DYM: variants seen among roughly 807,000 people sequenced by gnomAD.
The protein encoded by DYM is dymeclin, also known as dyggve-Melchior-Clausen syndrome protein.
A neutral mutation model predicts 93.1 loss-of-function variants in DYM; 78 were observed. That is an observed-to-expected ratio of 0.84 (90% confidence interval 0.70 to 1.01). The LOEUF is 1.01. Ranked by LOEUF, DYM falls within the 50% of genes least tolerant of loss-of-function variation. The pLI, the probability that DYM is intolerant of heterozygous loss-of-function variation, is 0.00. For synonymous variants in DYM, 321 were observed against 319.7 expected, an observed-to-expected ratio of 1.00 and a Z score of -0.04; for missense variants, 789 against 845.0, an observed-to-expected ratio of 0.93 and a Z score of 0.82.
intron 6 of DYM, among the ~76,000 whole-genome samples, chr18:49,339,989 C>A (rs1333865966): frequency 6.6e-6 from 1 of 151,974 alleles, no homozygotes; most frequent in Admixed American, 6.6e-5. Context: ...CTCGCTCTGT[C>A]GCCCAGGCTG....
intron 8 of DYM, among the ~76,000 whole-genome samples, chr18:49,290,083 A>G (rs1031540445): frequency 6.6e-6 from 1 of 151,192 alleles, no homozygotes; most frequent in Non-Finnish European, 1.5e-5. Flanking sequence ...TTTTTTCTAT[A>G]CCAAGGAATA....
intron 15 of DYM, among the ~76,000 whole-genome samples, chr18:49,135,591 T>C (rs1043026253): frequency 2.0e-5 from 3 of 152,170 alleles, no homozygotes; most frequent in Non-Finnish European, 4.4e-5. Context: ...TAATAACAAA[T>C]GTTTCTTATT....
chr18:49,445,705 G>A (rs1388319560), intron 1 of DYM, among the ~76,000 whole-genome samples: 2 of 152,172 alleles, frequency 1.3e-5, no homozygotes, highest in East Asian at 3.8e-4. Context: ...GCTGAAAAAG[G>A]CATGAAACCT....
chr18:49,055,880 A>G (rs964163027), intron 17 of DYM, among the ~76,000 whole-genome samples: 5 of 152,252 alleles, frequency 3.3e-5, no homozygotes, highest in Non-Finnish European at 7.3e-5. Context: ...CCAGCGTTCC[A>G]GGAAATATCC....
At chr18:49,382,995 A>G (rs1485276696) in intron 3 of DYM, among the ~76,000 whole-genome samples, 2 of 152,228 alleles carry the variant, frequency 1.3e-5, no homozygotes, top group African/African-American at 2.4e-5. Context: ...ACCAATGTAG[A>G]GAAAATACAG....
At chr18:49,057,371 TGCTCAGGGGCTG>T (rs371378872) in intron 17 of DYM, among the ~76,000 whole-genome samples, 35 of 152,332 alleles carry the variant, frequency 2.3e-4, no homozygotes, top group African/African-American at 7.7e-4. Context: ...TCGTGGACAC[TGCTCAGGGGCTG>T]GCTCAGGCAG....
chr18:49,067,407 A>AGGTTCAGTAGAGGAAGGAGTGGGGTGAT (rs2076530114), intron 17 of DYM, among the ~76,000 whole-genome samples: 8 of 9,180 alleles, frequency 8.7e-4, no homozygotes, highest in African/African-American at 1.7e-3. Flanking sequence ...GGGTGATGTG[A>AGGTTCAGTAGAGGAAGGAGTGGGGTGAT]GTGTTATGGA....
intron 15 of DYM, among the ~76,000 whole-genome samples, chr18:49,137,392 C>A (rs1430743669): frequency 6.6e-6 from 1 of 152,182 alleles, no homozygotes; most frequent in Non-Finnish European, 1.5e-5. Flanking sequence ...AGAGTTTGAG[C>A]AACTCATTTA....
intron 14 of DYM, among the ~76,000 whole-genome samples, chr18:49,176,385 T>C (rs1339635600): frequency 6.6e-6 from 1 of 152,106 alleles, no homozygotes; most frequent in African/African-American, 2.4e-5. Context: ...AAATTTCATT[T>C]GTGTTTTTAA....
At chr18:49,255,552 A>G (rs981318825) in intron 13 of DYM, among the ~76,000 whole-genome samples, 1 of 151,284 alleles carries the variant, frequency 6.6e-6, no homozygotes, top group Admixed American at 6.6e-5. Context: ...GTGTGCCTGT[A>G]ATTCCAGTTA....
chr18:49,148,082 C>T (rs1339103183), intron 15 of DYM, among the ~76,000 whole-genome samples: 2 of 152,120 alleles, frequency 1.3e-5, no homozygotes, highest in African/African-American at 4.8e-5. Context: ...TCTCAGCAAA[C>T]TATCGCAAGG....
At chr18:49,077,399 TG>T (rs2077395428) in intron 17 of DYM, among the ~76,000 whole-genome samples, 2 of 152,266 alleles carry the variant, frequency 1.3e-5, no homozygotes, top group African/African-American at 4.8e-5. Flanking sequence ...ATCTGTTCTA[TG>T]GCTCAAAATA....
intron 15 of DYM, among the ~76,000 whole-genome samples, chr18:49,160,887 G>A (rs751302465): frequency 1.1e-4 from 16 of 152,084 alleles, no homozygotes; most frequent in African/African-American, 3.1e-4. Context: ...AACATACAAC[G>A]GTGCTTATTT....
chr18:49,262,932 T>A (rs2094512446), intron 11 of DYM, among the ~76,000 whole-genome samples: 1 of 152,160 alleles, frequency 6.6e-6, no homozygotes, highest in East Asian at 1.9e-4. Context: ...CAGATCACTA[T>A]CCTAAATCTC....
chr18:49,100,166 T>C lies in DYM; in HGVS notation c.1912-2651A>G, dbSNP rs549118252. On this transcript the variant is annotated intron_variant, in intron 16 of 17. Transcript: ENST00000675505. ...TAAAGGCCAATACTATTAGTAAAAC[T>C]AAATCTCCTTATTTTTAGATGAATA... Among the ~76,000 whole-genome samples, 3 of 152,274 alleles carry C rather than the reference T, an allele frequency of 2.0e-5. No individual in the cohort carries two copies. In the South Asian group the frequency reaches 6.2e-4, roughly 32 times the overall value.
chr18:49,213,908 A>G (rs2092912041), intron 13 of DYM, among the ~76,000 whole-genome samples: 2 of 152,226 alleles, frequency 1.3e-5, no homozygotes. Flanking sequence ...AATACTAACT[A>G]GCATGATTTT....
intron 2 of DYM, among the ~76,000 whole-genome samples, chr18:49,401,646 G>GCA (rs1204130063): frequency 3.3e-5 from 5 of 150,798 alleles, no homozygotes; most frequent in East Asian, 3.9e-4. Flanking sequence ...TCACACACAC[G>GCA]CACACACACA....
At chr18:49,250,220 G>A (rs2094256371) in intron 13 of DYM, among the ~76,000 whole-genome samples, 1 of 152,216 alleles carries the variant, frequency 6.6e-6, no homozygotes, top group South Asian at 2.1e-4. Context: ...CCTAGAGAGA[G>A]CAACTCTCTG....
At chr18:49,415,804 G>A (rs2072905312) in intron 2 of DYM, among the ~76,000 whole-genome samples, 1 of 151,912 alleles carries the variant, frequency 6.6e-6, no homozygotes, top group African/African-American at 2.4e-5. Context: ...GCATGTGCCT[G>A]TAATCCCAGC....
Sources: allele counts gnomAD v4.1 joint callset (sites outside exome capture counted in the v4.1 genomes callset), GRCh38; gene constraint gnomAD v4.1.1; transcripts MANE v1.5; gene names NCBI Gene and HGNC (gene_info 2026-07-23, HGNC 2026-07-21).